Variants in DYNC1H1 observed in about 807,000 individuals in gnomAD.
DYNC1H1 encodes dynein cytoplasmic 1 heavy chain 1, also known as cytoplasmic dynein 1 heavy chain 1.
DYNC1H1 carries 51 observed loss-of-function variants against 527.1 expected under a neutral mutation model. That is an observed-to-expected ratio of 0.10 (90% CI 0.08 to 0.12). DYNC1H1 has a LOEUF of 0.12. Ranked by LOEUF, DYNC1H1 falls within the 10% of genes least tolerant of loss-of-function variation. The probability of loss-of-function intolerance (pLI) is 1.00; values close to 1 mark genes in which losing one functional copy is unlikely to be tolerated. For missense variants in DYNC1H1, 2,771 were observed against 5,971.8 expected, an observed-to-expected ratio of 0.46 and a Z score of 17.66; for synonymous variants, 2,189 against 2,278.8, an observed-to-expected ratio of 0.96 and a Z score of 1.12.
At chr14:101,984,445 A>ATTTTTTTTTTT (rs1444213016) in intron 7 of DYNC1H1, among the ~76,000 whole-genome samples, 1 of 92,874 alleles carries the variant, frequency 1.1e-5, no homozygotes, top group African/African-American at 5.8e-5. Context: ...ATATATATAT[A>ATTTTTTTTTTT]TTATATTTTT....
chr14:101,987,288 C>T lies in DYNC1H1; in HGVS notation c.2539-165C>T, dbSNP rs17540790. Among the ~76,000 whole-genome samples, 2,304 of 152,294 alleles carry T rather than the reference C, an allele frequency of 0.015. 27 individuals carry two copies. The highest frequency in any genetic ancestry group is 0.026 in the Non-Finnish European group (1,801 of 68,006). On this transcript the variant is annotated intron_variant, in intron 8 of 77. Transcript: ENST00000360184. ...TTTTCCTTTCCTCTGCAAGGACATG[C>T]GAGTGGGGATTAGTGTTCTCACCCC...
Position 102,040,319 on chromosome 14 carries a change from A to G in DYNC1H1, c.11774A>G (p.Gln3925Arg), listed in dbSNP as rs760510345. ...VLSAGSTPRI[Q>R]GLTVEQAEAV... ...AGTGCTGGCTCCACCCCCAGGATCC[A>G]GGGCCTGACTGTGGAGCAGGCGGAG... The change falls in exon 63 of 78, where the codon CAG becomes CGG. Residue 3925 changes from glutamine to arginine, a missense_variant. Physicochemically the swap from Gln to Arg is conservative, Grantham distance 43. Coordinates refer to ENST00000360184, the MANE Select transcript of DYNC1H1 (RefSeq NM_001376.5). The G allele has an allele frequency of 1.1e-5, 17 of 1,614,088 alleles. No individual in the cohort carries two copies. Among genetic ancestry groups the G allele is most frequent in the Non-Finnish European group, 1.4e-5 (17 of 1,180,042 alleles).
chr14:102,048,330 G>T, intron 73 of DYNC1H1, 186 bp from the exon 74 acceptor site: 1 of 852,726 alleles, frequency 1.2e-6, no homozygotes, highest in Non-Finnish European at 1.8e-6. Context: ...GGCCTCAGCG[G>T]GTTTCTGAGC....
At position 102,042,001 on chromosome 14, in the gene DYNC1H1, C is replaced by CTTTG. The variant is rs772072526; in HGVS notation, c.12103-7_12103-4dup. On this transcript the variant is annotated splice_polypyrimidine_tract_variant and intron_variant, in intron 65 of 77. Transcript: ENST00000360184. This position sits in a 1 kb window ranked among gnomAD's most constrained non-coding sequence, Gnocchi z 5.7. ...CTGGCACTGTAATAACTTCTGCCTT[C>CTTTG]TTTGTTTGCAGGTGAAGCCCAACAC... 7.4e-6 allele frequency: 12 copies of CTTTG among 1,613,708 alleles called. No homozygotes were observed. The highest frequency in any genetic ancestry group is 4.4e-5 in the South Asian group (4 of 91,080).
At chr14:102,040,875 C>CTTGAG in intron 64 of DYNC1H1, 1 of 647,724 alleles carries the variant, frequency 1.5e-6, no homozygotes, top group Non-Finnish European at 2.7e-6. Context: ...AGGAAGGTCA[C>CTTGAG]TTGAGCCTGG....
intron 48 of DYNC1H1, 113 bp downstream of exon 48, chr14:102,028,254 G>C (rs1008550755): frequency 7.8e-7 from 1 of 1,284,094 alleles, no homozygotes; most frequent in Non-Finnish European, 1.1e-6. Context: ...ACTCATGCCT[G>C]TAATCCCAGC....
rs1274557300 is a variant in DYNC1H1 at position 101,965,325 on chromosome 14, C to T, written c.256+378C>T. On this transcript the variant is annotated intron_variant, in intron 1 of 77. Coordinates refer to ENST00000360184, the MANE Select transcript of DYNC1H1 (RefSeq NM_001376.5). The surrounding 1 kb of genome is among the most constrained non-coding windows in gnomAD (Gnocchi z 4.1). ...CCGAGTTGGGTGGAGACAGCGTCTC[C>T]CTGGGCTGAGAGCGGGCGAGGCCGC... is the stretch of plus-strand genomic sequence containing the variant. Among the ~76,000 whole-genome samples the T allele has an allele frequency of 6.6e-6, 1 of 152,214 alleles. No individual in the cohort carries two copies. Among genetic ancestry groups the T allele is most frequent in the Admixed American group, 6.5e-5 (1 of 15,292 alleles).
rs560957395 is a variant in DYNC1H1, at chr14:102,024,437, C to A, written c.8637+1557C>A. On this transcript the variant is annotated intron_variant, in intron 43 of 77. Transcript: ENST00000360184. Reference sequence around the variant, plus strand: ...GATAACTCAGGCTGGGAAGAGATTTCTGGGAGAATGACCCTTGCACTGGTC... The same window carrying A: ...GATAACTCAGGCTGGGAAGAGATTTATGGGAGAATGACCCTTGCACTGGTC... Among the ~76,000 whole-genome samples, 14 of 152,252 alleles carry A rather than the reference C, an allele frequency of 9.2e-5. No individual in the cohort carries two copies. In the South Asian group the frequency reaches 2.7e-3, roughly 29 times the overall value.
In DYNC1H1 at chr14:102,002,996, T is replaced by C. The variant is rs1475845504; in HGVS notation, c.4883+31T>C. ...ATCCTTGCTTTGACTTGGCCTGGAGTCAAGTTGAATTTCAGTTGTGCATTT... is the reference window on the plus strand; with the variant it reads ...ATCCTTGCTTTGACTTGGCCTGGAGCCAAGTTGAATTTCAGTTGTGCATTT... On this transcript the variant is annotated intron_variant, in intron 23 of 77. Coordinates refer to ENST00000360184, the MANE Select transcript of DYNC1H1 (RefSeq NM_001376.5). This position sits in a 1 kb window ranked among gnomAD's most constrained non-coding sequence, Gnocchi z 4.4. The C allele has an allele frequency of 1.9e-5, 31 of 1,613,086 alleles. No individual in the cohort carries two copies. The highest frequency in any genetic ancestry group is 2.6e-5 in the Non-Finnish European group (31 of 1,179,892).
intron 69 of DYNC1H1, chr14:102,043,143 C>T (rs1422653707): frequency 9.1e-6 from 3 of 331,158 alleles, no homozygotes; most frequent in East Asian, 7.9e-5. Context: ...ATTAGCCAGG[C>T]GTGGTGGCGT....
At position 102,040,231 on chromosome 14, in the gene DYNC1H1, C is replaced by A. The variant is rs983608957; in HGVS notation, c.11691-5C>A. 3 of 1,614,090 alleles carry A rather than the reference C, an allele frequency of 1.9e-6. No homozygotes were observed. Among genetic ancestry groups the A allele is most frequent in the Non-Finnish European group, 2.5e-6 (3 of 1,180,028 alleles). On this transcript the variant is annotated splice_polypyrimidine_tract_variant and splice_region_variant and intron_variant, in intron 62 of 77. Transcript: ENST00000360184. ...ACCCTAGCTAACCTGTTGCACCCTT[C>A]GCAGGGAGCCCACCTACGATGCAGA...
intron 69 of DYNC1H1, 124 bp from the exon 70 acceptor site, chr14:102,043,751 A>G: frequency 7.4e-7 from 1 of 1,355,654 alleles, no homozygotes; most frequent in Non-Finnish European, 1.0e-6. Context: ...TACTCATGTG[A>G]ATCTGCTGCC....
rs1189166247 is a variant in DYNC1H1 at position 102,033,580 on chromosome 14, G to A, written c.10413+96G>A. On this transcript the variant is annotated intron_variant, in intron 54 of 77. Transcript: ENST00000360184. The surrounding 1 kb of genome is among the most constrained non-coding windows in gnomAD (Gnocchi z 5.6). ...CTGCATGCACCATGCTGGCCTCGGTGAATTCGCTCTTTAACATCTGTAAGG... is the reference window on the plus strand; with the variant it reads ...CTGCATGCACCATGCTGGCCTCGGTAAATTCGCTCTTTAACATCTGTAAGG... 6 of 1,499,992 alleles carry A rather than the reference G, an allele frequency of 4.0e-6. No homozygotes were observed. Among genetic ancestry groups the A allele is most frequent in the Non-Finnish European group, 5.4e-6 (6 of 1,101,028 alleles). The allele number at this position is 1,499,992 out of a possible 1,614,324, so 92.9% of individuals were successfully genotyped here. A position where few individuals can be genotyped will look rare whatever the true frequency, so the allele number is the denominator to read the frequency against.
intron 28 of DYNC1H1, 22 bp from the exon 29 acceptor site, chr14:102,008,156 C>T: frequency 6.2e-7 from 1 of 1,613,328 alleles, no homozygotes. Context: ...GGTTTTAGCG[C>T]CTTTCTTCCT....
chr14:101,985,391 C>G lies in DYNC1H1; in HGVS notation c.1462-296C>G, dbSNP rs2047924333. On this transcript the variant is annotated intron_variant, in intron 7 of 77. Coordinates refer to ENST00000360184, the MANE Select transcript of DYNC1H1 (RefSeq NM_001376.5). This position sits in a 1 kb window ranked among gnomAD's most constrained non-coding sequence, Gnocchi z 5.9. ...CCAGGCTGGAGTGCAGTGGCGTGATCTTGGCTCACTGCAACCTCTGCCTCC... is the reference window on the plus strand; with the variant it reads ...CCAGGCTGGAGTGCAGTGGCGTGATGTTGGCTCACTGCAACCTCTGCCTCC... Among the ~76,000 whole-genome samples the G allele has an allele frequency of 6.6e-6, 1 of 151,980 alleles. No homozygotes were observed. Among genetic ancestry groups the G allele is most frequent in the African/African-American group, 2.4e-5 (1 of 41,366 alleles).
intron 8 of DYNC1H1, 88 bp from the exon 9 acceptor site, chr14:101,987,365 A>G (rs2047948658): frequency 4.3e-6 from 6 of 1,390,726 alleles, no homozygotes; most frequent in East Asian, 2.5e-5. Context: ...GCATTTGTCA[A>G]TGTATAATAT....
intron 44 of DYNC1H1, 176 bp downstream of exon 44, chr14:102,026,883 C>A: frequency 1.0e-6 from 1 of 968,250 alleles, no homozygotes; most frequent in Non-Finnish European, 1.6e-6. Flanking sequence ...TCAGTTTATC[C>A]TAAGCAGAAC....
Position 102,032,386 on chromosome 14 carries a change from C to A in DYNC1H1, c.9998C>A (p.Thr3333Lys). ...SICLLLGESTTDWKQIRSIIM... is the reference protein window; with the variant it reads ...SICLLLGESTKDWKQIRSIIM... ...TGCCTGCTGCTGGGGGAAAGCACCA[C>A]AGACTGGAAGCAGATCCGCTCCATC... The change falls in exon 52 of 78, where the codon ACA (threonine) becomes AAA (lysine). Residue 3333 changes from threonine (T) to lysine (K), a missense_variant. By Grantham distance (78) the Thr-to-Lys change is moderately conservative. Around this residue, in one of 32 missense-constraint regions of DYNC1H1, gnomAD observed 283 missense variants for 737.6 expected, o/e 0.38. Transcript: ENST00000360184. The A allele has an allele frequency of 6.2e-7, 1 of 1,614,236 alleles. No homozygotes were observed. The highest frequency in any genetic ancestry group is 8.5e-7 in the Non-Finnish European group (1 of 1,180,040).
At position 102,027,526 on chromosome 14, in the gene DYNC1H1, C is replaced by T. The variant is rs750413212; in HGVS notation, c.9030C>T (p.Thr3010=). 5.6e-6 allele frequency: 9 copies of T among 1,613,950 alleles called. No homozygotes were observed. The highest frequency in any genetic ancestry group is 1.7e-5 in the Admixed American group (1 of 59,978). ...LDSGFLERMN[T]LLANGEVPGL... Reference sequence around the variant, plus strand: ...CTGGATTCCTGGAGCGAATGAATACCCTTCTGGCCAATGGAGAGGTAATTA... The same window carrying T: ...CTGGATTCCTGGAGCGAATGAATACTCTTCTGGCCAATGGAGAGGTAATTA... The change falls in exon 46 of 78, where the codon ACC becomes ACT. Residue 3010 remains threonine, a synonymous_variant. Transcript: ENST00000360184. The surrounding 1 kb of genome is among the most constrained non-coding windows in gnomAD (Gnocchi z 7.7).
Sources: gnomAD v4.1 joint callset for allele counts (sites outside exome capture counted in the v4.1 genomes callset) on GRCh38, gnomAD v4.1.1 for gene constraint, gnomAD v4.1.1 regional missense constraint, Gnocchi (gnomAD v3.1) non-coding constraint, MANE v1.5 for transcripts, NCBI Gene and HGNC (gene_info 2026-07-23, HGNC 2026-07-21) for gene names.